ADGRB3: variants seen among roughly 807,000 people sequenced by gnomAD.
ADGRB3 encodes the protein adhesion G protein-coupled receptor B3, also known as brain-specific angiogenesis inhibitor 3.
In ADGRB3, 37 loss-of-function variants were observed where a neutral mutation model predicts 193.4. That is an observed-to-expected ratio of 0.19 (90% CI 0.15 to 0.25). ADGRB3 has a LOEUF of 0.25. ADGRB3 is among the 10% of genes least tolerant of loss of function. The probability of loss-of-function intolerance (pLI) is 1.00; values close to 1 mark genes in which losing one functional copy is unlikely to be tolerated. For missense variants in ADGRB3, 1,637 were observed against 1,852.9 expected (o/e 0.88, Z 2.14); for synonymous variants, 690 against 644.2 (o/e 1.07, Z -1.08).
At chr6:68,689,681 T>A (rs942622362) in intron 3 of ADGRB3, among the ~76,000 whole-genome samples, 7 of 152,018 alleles carry the variant, frequency 4.6e-5, no homozygotes, top group Non-Finnish European at 8.8e-5. Flanking sequence ...TTGTTTTTGT[T>A]TTTTTTATGA....
intron 3 of ADGRB3, among the ~76,000 whole-genome samples, chr6:68,805,017 T>A (rs1767376470): frequency 6.6e-6 from 1 of 152,126 alleles, no homozygotes; most frequent in Non-Finnish European, 1.5e-5. Context: ...ATCCTCCAAC[T>A]CCTGGGCTCA....
intron 3 of ADGRB3, among the ~76,000 whole-genome samples, chr6:68,751,143 T>G (rs192722315): frequency 1.6e-4 from 24 of 152,302 alleles, no homozygotes; most frequent in African/African-American, 4.6e-4. Flanking sequence ...TAACAGTACT[T>G]ACTGAAAATG....
At chr6:69,209,950 A>G (rs1765621334) in intron 17 of ADGRB3, among the ~76,000 whole-genome samples, 1 of 151,328 alleles carries the variant, frequency 6.6e-6, no homozygotes, top group African/African-American at 2.4e-5. Flanking sequence ...TAGTATTTTG[A>G]GGTCTAATCA....
intron 20 of ADGRB3, among the ~76,000 whole-genome samples, chr6:69,310,643 G>A (rs572504758): frequency 6.6e-6 from 1 of 151,754 alleles, no homozygotes; most frequent in South Asian, 2.1e-4. Flanking sequence ...CTAAACACAG[G>A]TGTATGCCAT....
intron 3 of ADGRB3, among the ~76,000 whole-genome samples, chr6:68,678,295 A>G (rs1442608916): frequency 6.6e-6 from 1 of 152,204 alleles, no homozygotes; most frequent in Non-Finnish European, 1.5e-5. Flanking sequence ...TAATGAATCC[A>G]TCCATTTAAA....
intron 20 of ADGRB3, among the ~76,000 whole-genome samples, chr6:69,314,015 G>A (rs1768257185): frequency 1.3e-5 from 2 of 151,502 alleles, no homozygotes; most frequent in South Asian, 4.1e-4. Flanking sequence ...TGAATTCTTG[G>A]CCTTATTTAA....
intron 3 of ADGRB3, among the ~76,000 whole-genome samples, chr6:68,767,624 C>T (rs138572909): frequency 6.6e-6 from 1 of 152,210 alleles, no homozygotes; most frequent in Non-Finnish European, 1.5e-5. Flanking sequence ...CCTTTGAAAA[C>T]TGGCACAAGA....
At chr6:68,758,367 G>A (rs1478953015) in intron 3 of ADGRB3, among the ~76,000 whole-genome samples, 1 of 151,968 alleles carries the variant, frequency 6.6e-6, no homozygotes, top group Non-Finnish European at 1.5e-5. Flanking sequence ...GATCATCAAG[G>A]TTGTCTCTAG....
chr6:68,784,313 T>A (rs1373656916), intron 3 of ADGRB3, among the ~76,000 whole-genome samples: 1 of 152,114 alleles, frequency 6.6e-6, no homozygotes, highest in Admixed American at 6.6e-5. Flanking sequence ...TACACTTGAT[T>A]TAGCCAAAAG....
At chr6:69,114,303 A>C in intron 17 of ADGRB3, among the ~76,000 whole-genome samples, 1 of 152,082 alleles carries the variant, frequency 6.6e-6, no homozygotes, top group South Asian at 2.1e-4. Flanking sequence ...AAATTATACA[A>C]ATCTTTTGAG....
intron 3 of ADGRB3, among the ~76,000 whole-genome samples, chr6:68,696,150 G>A (rs897136488): frequency 2.0e-5 from 3 of 151,884 alleles, no homozygotes; most frequent in Non-Finnish European, 4.4e-5. Context: ...ATCCGAATTA[G>A]CCAAGATTAA....
chr6:68,992,773 T>G (rs1177759665), intron 10 of ADGRB3, among the ~76,000 whole-genome samples: 2 of 152,198 alleles, frequency 1.3e-5, no homozygotes, highest in Non-Finnish European at 2.9e-5. Context: ...TATACTTTTT[T>G]GATTAGATCA....
intron 10 of ADGRB3, among the ~76,000 whole-genome samples, chr6:68,978,017 T>C (rs1255817340): frequency 2.6e-5 from 4 of 151,542 alleles, no homozygotes; most frequent in Admixed American, 1.3e-4. Flanking sequence ...TTAGGAAAAG[T>C]CATATGATCA....
chr6:69,250,591 G>A (rs1203938468), intron 20 of ADGRB3, among the ~76,000 whole-genome samples: 1 of 152,156 alleles, frequency 6.6e-6, no homozygotes, highest in East Asian at 1.9e-4. Context: ...GGCATTTCAG[G>A]CTCAGGGTCT....
intron 6 of ADGRB3, among the ~76,000 whole-genome samples, chr6:68,947,039 G>A (rs75182075): frequency 0.013 from 1,981 of 152,152 alleles, 42 homozygotes; most frequent in African/African-American, 0.045. Flanking sequence ...TGAAGGTATA[G>A]TATTTCCTAG....
intron 20 of ADGRB3, among the ~76,000 whole-genome samples, chr6:69,263,364 A>G (rs1249850572): frequency 1.3e-5 from 2 of 152,074 alleles, no homozygotes; most frequent in African/African-American, 4.8e-5. Flanking sequence ...TCTTCCAAAA[A>G]TCATGATGGT....
intron 15 of ADGRB3, among the ~76,000 whole-genome samples, chr6:69,050,179 A>C (rs1221428471): frequency 6.6e-6 from 1 of 152,242 alleles, no homozygotes; most frequent in African/African-American, 2.4e-5. Context: ...TACTGCGGAC[A>C]AAACAAATAG....
At chr6:69,010,034 C>T (rs902268557) in intron 11 of ADGRB3, among the ~76,000 whole-genome samples, 9 of 152,070 alleles carry the variant, frequency 5.9e-5, no homozygotes, top group Admixed American at 1.3e-4. Context: ...CTTTTTGTCT[C>T]GTATAGCCAA....
intron 3 of ADGRB3, among the ~76,000 whole-genome samples, chr6:68,894,830 C>A (rs1766174590): frequency 6.6e-6 from 1 of 151,868 alleles, no homozygotes; most frequent in African/African-American, 2.4e-5. Flanking sequence ...TTTGTTACTT[C>A]AAATAACTAT....
Sources: gnomAD v4.1 joint callset for allele counts (sites outside exome capture counted in the v4.1 genomes callset) on GRCh38, gnomAD v4.1.1 for gene constraint, MANE v1.5 for transcripts, NCBI Gene and HGNC (gene_info 2026-07-23, HGNC 2026-07-21) for gene names.